The following SDK1 variants were observed in gnomAD, a reference collection of about 807,000 sequenced individuals.
SDK1 encodes protein sidekick-1.
SDK1 carries 157 observed loss-of-function variants against 245.5 expected under a neutral mutation model. The ratio of observed to expected loss-of-function variants is 0.64; its 90% CI spans 0.56 to 0.73. The LOEUF (loss-of-function observed/expected upper bound fraction) is 0.73, where lower values mean the gene tolerates loss of function less well. Among genes scored for constraint, SDK1 ranks in the 30% least tolerant of loss-of-function variants. SDK1 has a pLI of 0.00. For synonymous variants in SDK1, 1,647 were observed against 1,278.5 expected (o/e 1.29, Z -6.15); for missense variants, 3,583 against 3,002.3 (o/e 1.19, Z -4.52).
chr7:3,646,580 C>T (rs916868498), intron 4 of SDK1, among the ~76,000 whole-genome samples: 1 of 152,148 alleles, frequency 6.6e-6, no homozygotes, highest in African/African-American at 2.4e-5. Flanking sequence ...GGTTCACACC[C>T]GGGTCTGCCT....
At chr7:3,873,286 T>C (rs1293925258) in intron 5 of SDK1, among the ~76,000 whole-genome samples, 6 of 152,194 alleles carry the variant, frequency 3.9e-5, no homozygotes, top group African/African-American at 1.4e-4. Flanking sequence ...TTGCATGAGT[T>C]CTGCCAAGAA....
At chr7:4,250,426 C>T (rs944475193) in intron 44 of SDK1, among the ~76,000 whole-genome samples, 1 of 152,112 alleles carries the variant, frequency 6.6e-6, no homozygotes, top group Non-Finnish European at 1.5e-5. Flanking sequence ...TCCCTCTAAC[C>T]TCCGCCTCCT....
chr7:4,120,240 G>C (rs1783971077), intron 25 of SDK1, among the ~76,000 whole-genome samples: 1 of 149,124 alleles, frequency 6.7e-6, no homozygotes, highest in African/African-American at 2.5e-5. Context: ...AAATTCCAGG[G>C]TTGATGGAAA....
At chr7:3,641,872 G>A in intron 3 of SDK1, 86 bp from the exon 4 acceptor site, 2 of 1,129,904 alleles carry the variant, frequency 1.8e-6, no homozygotes, top group South Asian at 1.5e-5. Flanking sequence ...TGACTTTACT[G>A]TAACACTTAC....
intron 22 of SDK1, among the ~76,000 whole-genome samples, chr7:4,106,745 C>T (rs1782946124): frequency 6.6e-6 from 1 of 152,122 alleles, no homozygotes; most frequent in South Asian, 2.1e-4. Context: ...GCGTGCCTTT[C>T]TCTCCCGGGC....
intron 40 of SDK1, among the ~76,000 whole-genome samples, chr7:4,225,370 C>G (rs902067295): frequency 6.6e-6 from 1 of 152,200 alleles, no homozygotes; most frequent in Non-Finnish European, 1.5e-5. Context: ...CCTGCTCGGA[C>G]AAGCACACCA....
rs188125230 is a variant in SDK1, at chr7:3,654,167, A to C, written c.713+12062A>C. ...CCTGTGCCCCACCGTGCTTCTGTAA[A>C]TGTCACACTGCTCCTCCAAATGCTG... On this transcript the variant is annotated intron_variant, in intron 4 of 44. Coordinates refer to ENST00000404826, the MANE Select transcript of SDK1 (RefSeq NM_152744.4). Among the ~76,000 whole-genome samples the C allele has an allele frequency of 4.3e-4, 66 of 152,222 alleles. 2 individuals carry two copies. In the East Asian group the frequency reaches 0.012, roughly 28 times the overall value.
At chr7:3,561,530 G>A (rs2880137) in intron 1 of SDK1, among the ~76,000 whole-genome samples, 50,660 of 151,952 alleles carry the variant, frequency 0.33, 8,610 homozygotes, top group South Asian at 0.39. Flanking sequence ...CCACCCCTAA[G>A]GTGGTGGTGG....
intron 5 of SDK1, among the ~76,000 whole-genome samples, chr7:3,852,654 G>A (rs1403472527): frequency 6.7e-6 from 1 of 150,306 alleles, no homozygotes; most frequent in African/African-American, 2.5e-5. Context: ...GGGAGGCTGA[G>A]GCAGGAGAAT....
chr7:4,088,160 T>A (rs991305968), intron 22 of SDK1, among the ~76,000 whole-genome samples: 3 of 152,226 alleles, frequency 2.0e-5, no homozygotes, highest in Non-Finnish European at 2.9e-5. Context: ...CTGTGGCTGC[T>A]CAGCCTGGTG....
intron 5 of SDK1, among the ~76,000 whole-genome samples, chr7:3,828,007 T>C (rs1195690788): frequency 2.0e-5 from 3 of 152,164 alleles, no homozygotes; most frequent in African/African-American, 7.2e-5. Flanking sequence ...ACAGGGCGCA[T>C]TGCCTCACGC....
At chr7:3,740,225 A>G (rs1226532039) in intron 4 of SDK1, among the ~76,000 whole-genome samples, 1 of 152,170 alleles carries the variant, frequency 6.6e-6, no homozygotes, top group East Asian at 1.9e-4. Context: ...TCAGTCTGTC[A>G]TGCCAGAGGT....
chr7:3,832,867 A>C (rs1027036935), intron 5 of SDK1, among the ~76,000 whole-genome samples: 1 of 151,982 alleles, frequency 6.6e-6, no homozygotes, highest in East Asian at 1.9e-4. Context: ...GTATACCTCT[A>C]TGTTTGGCTG....
At chr7:4,123,399 A>G (rs1784190295) in intron 25 of SDK1, among the ~76,000 whole-genome samples, 1 of 151,996 alleles carries the variant, frequency 6.6e-6, no homozygotes, top group African/African-American at 2.4e-5. Context: ...AAACTTTTGT[A>G]TAAAATGAGC....
chr7:3,515,642 C>G (rs546241020), intron 1 of SDK1, among the ~76,000 whole-genome samples: 1 of 152,110 alleles, frequency 6.6e-6, no homozygotes, highest in Non-Finnish European at 1.5e-5. Flanking sequence ...AAGTAACTTT[C>G]GTGTTTTAGT....
chr7:3,841,569 TTTTC>T lies in SDK1; in HGVS notation c.847+19990_847+19993del, dbSNP rs1196756208. Among the ~76,000 whole-genome samples, 6 of 148,820 alleles carry T rather than the reference TTTTC, an allele frequency of 4.0e-5. No individual in the cohort carries two copies. The East Asian group carries it at 1.2e-3, about 29-fold the overall frequency. ...GTATTATCAGATTATTTTTTTCTCT[TTTTC>T]TTTTTTTTTTTGAGACGGAGTTTTG... On this transcript the variant is annotated intron_variant, in intron 5 of 44. Transcript: ENST00000404826.
At chr7:3,525,372 G>A (rs1001841017) in intron 1 of SDK1, among the ~76,000 whole-genome samples, 2 of 151,994 alleles carry the variant, frequency 1.3e-5, no homozygotes, top group South Asian at 2.1e-4. Flanking sequence ...TTGCACCTAC[G>A]GAAAATCCTC....
chr7:3,772,478 T>C (rs985821730), intron 4 of SDK1, among the ~76,000 whole-genome samples: 20 of 152,174 alleles, frequency 1.3e-4, no homozygotes, highest in Non-Finnish European at 2.6e-4. Context: ...TGCATTAGCC[T>C]TTTAAATAAC....
intron 1 of SDK1, among the ~76,000 whole-genome samples, chr7:3,424,214 A>G (rs1007399269): frequency 1.3e-5 from 2 of 152,148 alleles, no homozygotes; most frequent in Admixed American, 6.5e-5. Context: ...GCCCGGCCAT[A>G]CTAATTTAAT....
Sources: allele counts gnomAD v4.1 joint callset (sites outside exome capture counted in the v4.1 genomes callset), GRCh38; gene constraint gnomAD v4.1.1; transcripts MANE v1.5; gene names NCBI Gene and HGNC (gene_info 2026-07-23, HGNC 2026-07-21).